DLGAP4: variants seen among roughly 807,000 people sequenced by gnomAD.
DLGAP4 encodes disks large-associated protein 4.
Under a neutral mutation model 86.9 loss-of-function variants are expected in DLGAP4, and 18 were observed. The observed-to-expected ratio is 0.21, with a 90% CI of 0.14 to 0.31. DLGAP4 has a LOEUF of 0.31. Ranked by LOEUF, DLGAP4 falls within the 10% of genes least tolerant of loss-of-function variation. The pLI is 1.00. For synonymous variants in DLGAP4, 548 were observed against 574.3 expected (o/e 0.95, Z 0.65); for missense variants, 1,085 against 1,362.6 (o/e 0.80, Z 3.21).
chr20:36,491,327 G>A (rs780946469), intron 7 of DLGAP4, among the ~76,000 whole-genome samples: 1 of 152,172 alleles, frequency 6.6e-6, no homozygotes, highest in South Asian at 2.1e-4. Context: ...TAGGTGCTGC[G>A]AGGTAGGGAG....
intron 10 of DLGAP4, among the ~76,000 whole-genome samples, chr20:36,516,613 C>T (rs903989578): frequency 2.7e-5 from 4 of 150,778 alleles, no homozygotes; most frequent in Non-Finnish European, 5.9e-5. Context: ...TTGCAGTGAG[C>T]CCAGATTGCG....
At chr20:36,351,828 T>C (rs1300957217) in intron 1 of DLGAP4, among the ~76,000 whole-genome samples, 1 of 152,148 alleles carries the variant, frequency 6.6e-6, no homozygotes, top group Non-Finnish European at 1.5e-5. Context: ...TGCTGGGGGC[T>C]GCAGATGTGT....
At chr20:36,310,049 C>T (rs2065038417) in intron 1 of DLGAP4, among the ~76,000 whole-genome samples, 1 of 151,932 alleles carries the variant, frequency 6.6e-6, no homozygotes, top group African/African-American at 2.4e-5. Context: ...GCAAGAACTG[C>T]ATGGACAAGC....
chr20:36,379,388 G>A (rs1011609611), intron 2 of DLGAP4, among the ~76,000 whole-genome samples: 6 of 152,208 alleles, frequency 3.9e-5, no homozygotes, highest in South Asian at 2.1e-4. Flanking sequence ...AGCATCTGCC[G>A]CACATGCTGT....
rs1600663517 is a variant in DLGAP4 at position 36,500,509 on chromosome 20, G to A, written c.2410G>A (p.Gly804Ser). Reference protein sequence around the residue: ...PAQPGACRRDGYWFLKLLQAE... With the variant: ...PAQPGACRRDSYWFLKLLQAE... ...ACAGCCAGGGGCCTGCCGCCGAGAC[G>A]GCTACTGGTTCCTAAAGCTACTGCA... is the stretch of plus-strand genomic sequence containing the variant. Residue 804 changes from glycine to serine, a missense_variant, in exon 10 of 13, where the codon GGC becomes AGC. By Grantham distance (56) the Gly-to-Ser change is moderately conservative (BLOSUM62 0). Around this residue, in one of 2 missense-constraint regions of DLGAP4, gnomAD observed 1,082 missense variants for 1,344.1 expected, o/e 0.81. Transcript: ENST00000339266. The surrounding 1 kb of genome is among the most constrained non-coding windows in gnomAD (Gnocchi z 4.6). 1.3e-6 allele frequency: 2 copies of A among 1,592,526 alleles called. No homozygotes were observed. The highest frequency in any genetic ancestry group is 1.7e-6 in the Non-Finnish European group (2 of 1,169,188).
At chr20:36,523,625 A>AGAGTT (rs539475901) in intron 10 of DLGAP4, among the ~76,000 whole-genome samples, 64 of 152,322 alleles carry the variant, frequency 4.2e-4, no homozygotes, top group African/African-American at 1.4e-3. Context: ...TTTTCTGAGA[A>AGAGTT]GAGTTCTGCT....
chr20:36,426,801 T>C (rs1468130149), intron 2 of DLGAP4, among the ~76,000 whole-genome samples: 1 of 152,200 alleles, frequency 6.6e-6, no homozygotes, highest in Non-Finnish European at 1.5e-5. Context: ...AAAGTATCTA[T>C]GGACGTGGTT....
intron 7 of DLGAP4, among the ~76,000 whole-genome samples, chr20:36,479,180 A>G (rs758890610): frequency 3.3e-5 from 5 of 152,278 alleles, no homozygotes; most frequent in South Asian, 4.1e-4. Flanking sequence ...CTCTGTGGGC[A>G]TGAGGGGACA....
At chr20:36,380,527 A>G (rs537763977) in intron 2 of DLGAP4, among the ~76,000 whole-genome samples, 42 of 151,838 alleles carry the variant, frequency 2.8e-4, no homozygotes, top group Admixed American at 2.6e-3. Context: ...ATTCGAGGTT[A>G]CAGTAAGTTA....
chr20:36,499,206 C>A, intron 8 of DLGAP4: 1 of 1,549,440 alleles, frequency 6.5e-7, no homozygotes, highest in South Asian at 1.1e-5. Flanking sequence ...TCTCTTTCGT[C>A]GTCCTTTTTT....
chr20:36,357,184 C>G (rs1039436792), intron 1 of DLGAP4, among the ~76,000 whole-genome samples: 1 of 152,162 alleles, frequency 6.6e-6, no homozygotes, highest in Non-Finnish European at 1.5e-5. Context: ...TCTCTCCCCT[C>G]TCTCCTCTCG....
chr20:36,361,770 C>T (rs1175452732), intron 1 of DLGAP4, among the ~76,000 whole-genome samples: 1 of 151,498 alleles, frequency 6.6e-6, no homozygotes. Flanking sequence ...GTCAGGAGTT[C>T]GAAACCAGCC....
intron 2 of DLGAP4, among the ~76,000 whole-genome samples, chr20:36,420,860 C>T (rs1010969809): frequency 2.6e-5 from 4 of 152,140 alleles, no homozygotes; most frequent in Non-Finnish European, 5.9e-5. Flanking sequence ...GTAATCCCAG[C>T]TACTCTGGAG....
chr20:36,329,754 C>G (rs1034793528), intron 1 of DLGAP4, among the ~76,000 whole-genome samples: 2 of 150,650 alleles, frequency 1.3e-5, no homozygotes, highest in South Asian at 4.2e-4. Flanking sequence ...AAAATTAGGC[C>G]AGGTGCGATG....
chr20:36,417,362 GTTTTGTTTTTGTTTTTGT>G (rs150421933), intron 2 of DLGAP4, among the ~76,000 whole-genome samples: 16 of 149,514 alleles, frequency 1.1e-4, no homozygotes, highest in Admixed American at 1.0e-3. Flanking sequence ...TGGAGTTTGA[GTTTTGTTTTTGTTTTTGT>G]TTTTGTTTTT....
At chr20:36,485,121 C>G (rs2035353633) in intron 7 of DLGAP4, among the ~76,000 whole-genome samples, 1 of 152,206 alleles carries the variant, frequency 6.6e-6, no homozygotes, top group African/African-American at 2.4e-5. Context: ...CGAGGTGGCT[C>G]GCGCCAGTAA....
chr20:36,484,828 C>A (rs954985238), intron 7 of DLGAP4, among the ~76,000 whole-genome samples: 1 of 152,244 alleles, frequency 6.6e-6, no homozygotes, highest in Non-Finnish European at 1.5e-5. Context: ...TGCCATGGGC[C>A]ACTGCCGCTG....
In DLGAP4 at chr20:36,431,978, C is replaced by G; in HGVS notation, c.261C>G (p.Pro87=). Residue 87 remains proline, a synonymous_variant, in exon 3 of 13, where the codon CCC becomes CCG. Transcript: ENST00000339266. The surrounding 1 kb of genome is among the most constrained non-coding windows in gnomAD (Gnocchi z 5.1). ...NSHFEVPEES[P]FPSHAQATKI... is the part of the protein sequence containing the mutation. ...ACTTCGAGGTGCCAGAGGAGAGCCC[C>G]TTCCCCAGCCATGCCCAAGCCACCA... 6.2e-7 allele frequency: 1 copy of G among 1,614,252 alleles called. No homozygotes were observed. The highest frequency in any genetic ancestry group is 8.5e-7 in the Non-Finnish European group (1 of 1,180,046).
At chr20:36,422,765 A>G (rs902457895) in intron 2 of DLGAP4, among the ~76,000 whole-genome samples, 2 of 152,152 alleles carry the variant, frequency 1.3e-5, no homozygotes, top group Non-Finnish European at 1.5e-5. Flanking sequence ...TGGAGCAGGG[A>G]GGTTCCCAGG....
Sources: gnomAD v4.1 joint callset for allele counts (sites outside exome capture counted in the v4.1 genomes callset) on GRCh38, gnomAD v4.1.1 for gene constraint, gnomAD v4.1.1 regional missense constraint, Gnocchi (gnomAD v3.1) non-coding constraint, MANE v1.5 for transcripts, NCBI Gene and HGNC (gene_info 2026-07-23, HGNC 2026-07-21) for gene names.